The following CCDC170 variants were observed in gnomAD, a reference collection of about 807,000 sequenced individuals.
CCDC170 encodes coiled-coil domain-containing protein 170.
A neutral mutation model predicts 72.6 loss-of-function variants in CCDC170; 69 were observed. The ratio of observed to expected loss-of-function variants is 0.95; its 90% CI spans 0.78 to 1.16. The LOEUF (loss-of-function observed/expected upper bound fraction) is 1.16, where lower values mean the gene tolerates loss of function less well. Ranked by LOEUF, CCDC170 falls within the 50% of genes most tolerant of loss-of-function variation. The pLI is 0.00. For missense variants in CCDC170, 852 were observed against 832.5 expected, an observed-to-expected ratio of 1.02 and a Z score of -0.29; for synonymous variants, 300 against 303.9, an observed-to-expected ratio of 0.99 and a Z score of 0.13.
chr6:151,572,798 C>T (rs924335467), intron 5 of CCDC170, among the ~76,000 whole-genome samples: 6 of 151,404 alleles, frequency 4.0e-5, no homozygotes, highest in Non-Finnish European at 8.8e-5. Context: ...TACAGGTGTG[C>T]GCCACTATGC....
intron 9 of CCDC170, among the ~76,000 whole-genome samples, chr6:151,615,075 C>T (rs750844665): frequency 8.1e-4 from 124 of 152,286 alleles, no homozygotes; most frequent in Admixed American, 3.9e-3. Flanking sequence ...TGTTTATATA[C>T]CAGCAATGTC....
intron 7 of CCDC170, among the ~76,000 whole-genome samples, chr6:151,590,116 A>G (rs539727401): frequency 6.6e-6 from 1 of 152,068 alleles, no homozygotes; most frequent in South Asian, 2.1e-4. Flanking sequence ...AGTCTTCCCT[A>G]AGAGACTTAC....
In CCDC170 at chr6:151,566,692, G is replaced by A. The variant is rs576556855; in HGVS notation, c.775-6482G>A. ...TTTGTGTGTAGGAGATTAGTATAAT[G>A]AATCACTAGTATCACTATTATACTC... On this transcript the variant is annotated intron_variant, in intron 5 of 10. Transcript: ENST00000239374. Among the ~76,000 whole-genome samples, 11 of 152,178 alleles carry A rather than the reference G, an allele frequency of 7.2e-5. No individual in the cohort carries two copies. In the East Asian group the frequency reaches 1.9e-3, roughly 27 times the overall value.
intron 4 of CCDC170, among the ~76,000 whole-genome samples, chr6:151,546,993 A>AAAT (rs1232926551): frequency 1.6e-5 from 1 of 60,682 alleles, no homozygotes; most frequent in African/African-American, 7.7e-5. Flanking sequence ...GCCTGTCTTA[A>AAAT]GAAGAAAAAA....
intron 1 of CCDC170, among the ~76,000 whole-genome samples, chr6:151,513,936 A>AAG (rs1236850545): frequency 4.6e-5 from 7 of 151,076 alleles, no homozygotes; most frequent in African/African-American, 1.5e-4. Context: ...AAAAAAAAAA[A>AAG]AAAGAAAAAA....
intron 1 of CCDC170, among the ~76,000 whole-genome samples, chr6:151,516,277 T>C (rs927580223): frequency 6.6e-6 from 1 of 152,146 alleles, no homozygotes; most frequent in African/African-American, 2.4e-5. Flanking sequence ...AAGGGTATAA[T>C]GAAGTATGTT....
chr6:151,592,014 T>A (rs1194849716), intron 7 of CCDC170, among the ~76,000 whole-genome samples: 1 of 151,852 alleles, frequency 6.6e-6, no homozygotes, highest in Non-Finnish European at 1.5e-5. Flanking sequence ...GTGGGAAAAA[T>A]TCCCAAGGAA....
intron 5 of CCDC170, among the ~76,000 whole-genome samples, chr6:151,570,428 A>G (rs1262106902): frequency 1.3e-5 from 2 of 152,260 alleles, no homozygotes; most frequent in Non-Finnish European, 2.9e-5. Context: ...AAAAAAGCCA[A>G]TACAAATAAC....
At chr6:151,560,976 G>A (rs1470027622) in intron 5 of CCDC170, among the ~76,000 whole-genome samples, 1 of 151,976 alleles carries the variant, frequency 6.6e-6, no homozygotes, top group African/African-American at 2.4e-5. Flanking sequence ...CTGTTGATGT[G>A]TGAGGTTTTG....
Position 151,544,695 on chromosome 6 carries a change from A to G in CCDC170, c.567A>G (p.Ser189=), listed in dbSNP as rs767885490. The G allele has an allele frequency of 1.2e-6, 2 of 1,612,152 alleles. No individual in the cohort carries two copies. The highest frequency in any genetic ancestry group is 1.1e-5 in the South Asian group (1 of 90,984). Residue 189 remains serine, a synonymous_variant, in exon 4 of 11, where the codon TCA becomes TCG. Coordinates refer to ENST00000239374, the MANE Select transcript of CCDC170 (RefSeq NM_025059.4). ...CAGATGAGAGGAATGACAAGGCATC[A>G]GATGAAGATTTAATTTTAAAGGTGT... The part of the protein sequence containing the change: ...LDPDERNDKA[S]DEDLILKLRD...
chr6:151,547,604 G>A (rs1782797818), intron 4 of CCDC170, among the ~76,000 whole-genome samples: 1 of 152,090 alleles, frequency 6.6e-6, no homozygotes, highest in Non-Finnish European at 1.5e-5. Context: ...CTTCCACGGA[G>A]AGTCTCAACA....
At chr6:151,532,361 C>A (rs6912905) in intron 1 of CCDC170, among the ~76,000 whole-genome samples, 9 of 152,152 alleles carry the variant, frequency 5.9e-5, no homozygotes, top group African/African-American at 2.2e-4. Flanking sequence ...AATCACAGCA[C>A]TTTGGGAGGC....
intron 6 of CCDC170, among the ~76,000 whole-genome samples, chr6:151,582,266 A>T (rs976934718): frequency 2.0e-5 from 3 of 152,182 alleles, no homozygotes; most frequent in African/African-American, 7.2e-5. Flanking sequence ...CTTGTGGATA[A>T]CTTACCCCAG....
At chr6:151,495,888 GT>G (rs1294028303) in intron 1 of CCDC170, among the ~76,000 whole-genome samples, 7 of 152,126 alleles carry the variant, frequency 4.6e-5, no homozygotes, top group Non-Finnish European at 8.8e-5. Flanking sequence ...AAATCGGGAT[GT>G]TTAGCATTGT....
intron 5 of CCDC170, among the ~76,000 whole-genome samples, chr6:151,569,161 G>A (rs945059350): frequency 1.4e-4 from 22 of 152,152 alleles, no homozygotes; most frequent in African/African-American, 5.3e-4. Flanking sequence ...AGGATTGAAG[G>A]AATTAAGCTC....
chr6:151,615,497 C>CAACTGGAG lies in CCDC170; in HGVS notation c.1768_1775dup (p.Lys592AsnfsTer5). The CAACTGGAG allele has an allele frequency of 2.5e-6, 4 of 1,613,966 alleles. No homozygotes were observed. The highest frequency in any genetic ancestry group is 3.4e-6 in the Non-Finnish European group (4 of 1,179,946). Reference sequence around the variant, plus strand: ...TGAAGATCTAAACAAATCCAGAGACCAACTGGAGAAGATGAAGGAGAAAGC... The same window carrying CAACTGGAG: ...TGAAGATCTAAACAAATCCAGAGACCAACTGGAGAACTGGAGAAGATGAAGGAGAAAGC... On this transcript the variant is annotated frameshift_variant, in exon 10 of 11. Transcript: ENST00000239374. LOFTEE classifies it high-confidence loss of function.
At position 151,617,408 on chromosome 6, in the gene CCDC170, C is replaced by CTTTTTTTTTTTTTTTTTTTTTTTT. The variant is rs745655791; in HGVS notation, c.1948-517_1948-494dup. ...AGCTTATACTTTCTTGCTGTTTGTT[C>CTTTTTTTTTTTTTTTTTTTTTTTT]TTTTTTTTTTTTTTTTTTTTTTTTT... On this transcript the variant is annotated intron_variant, in intron 10 of 10. Coordinates refer to ENST00000239374, the MANE Select transcript of CCDC170 (RefSeq NM_025059.4). Among the ~76,000 whole-genome samples the CTTTTTTTTTTTTTTTTTTTTTTTT allele has an allele frequency of 1.4e-4, 13 of 91,466 alleles. 1 individual carries two copies. Among genetic ancestry groups the CTTTTTTTTTTTTTTTTTTTTTTTT allele is most frequent in the Non-Finnish European group, 2.4e-4 (11 of 46,718 alleles). 60.0% of individuals were successfully genotyped at this position (91,466 alleles called of 152,430 possible). A position where few individuals can be genotyped will look rare whatever the true frequency, so the allele number is the denominator to read the frequency against.
In CCDC170 at chr6:151,593,156, T is replaced by A. The variant is rs1296564376; in HGVS notation, c.1343T>A (p.Met448Lys). The A allele has an allele frequency of 1.2e-6, 2 of 1,614,108 alleles. No homozygotes were observed. Among genetic ancestry groups the A allele is most frequent in the South Asian group, 2.2e-5 (2 of 91,092 alleles). ...TCTCAGAAAATGAAGTTGGACCAGA[T>A]GGCTGCCGAACTTGGCTTTGACATG... ...QLSQKMKLDQMAAELGFDMRL... is the reference protein window; with the variant it reads ...QLSQKMKLDQKAAELGFDMRL... The change falls in exon 8 of 11, where the codon ATG becomes AAG. Residue 448 changes from methionine (M) to lysine (K), a missense_variant. Transcript: ENST00000239374.
At chr6:151,537,463 C>T (rs9371220) in intron 2 of CCDC170, among the ~76,000 whole-genome samples, 21,958 of 152,092 alleles carry the variant, frequency 0.14, 2,104 homozygotes, top group East Asian at 0.5. Context: ...TTCAGCATTT[C>T]GATATCACAG....
Sources: gnomAD v4.1 joint callset for allele counts (sites outside exome capture counted in the v4.1 genomes callset) on GRCh38, gnomAD v4.1.1 for gene constraint, MANE v1.5 for transcripts, NCBI Gene and HGNC (gene_info 2026-07-23, HGNC 2026-07-21) for gene names.